The following POU2AF2 variants were observed in gnomAD, a reference collection of about 807,000 sequenced individuals.
POU2AF2 encodes the protein POU class 2 homeobox associating factor 2.
the POU2AF2 span, among the ~76,000 whole-genome samples, chr11:111,276,453 A>AAAAAAAAAAATAAATATATATAT: frequency 2.7e-5 from 1 of 37,692 alleles, no homozygotes; most frequent in African/African-American, 9.6e-5. Flanking sequence ...AAAAAAAAAA[A>AAAAAAAAAAATAAATATATATAT]ATATATATAT....
the POU2AF2 span, among the ~76,000 whole-genome samples, chr11:111,262,260 G>C: frequency 6.6e-6 from 1 of 152,206 alleles, no homozygotes; most frequent in Non-Finnish European, 1.5e-5. Context: ...TGGGGGAACA[G>C]AAGGTGAATA....
the POU2AF2 span, chr11:111,285,768 G>A: frequency 1.2e-6 from 2 of 1,612,892 alleles, no homozygotes; most frequent in Non-Finnish European, 1.7e-6. Context: ...CTTGAGTCCG[G>A]GAGCATCGCC....
the POU2AF2 span, among the ~76,000 whole-genome samples, chr11:111,280,901 C>A: frequency 6.6e-6 from 1 of 152,148 alleles, no homozygotes; most frequent in Non-Finnish European, 1.5e-5. Context: ...GCACCTCGAA[C>A]TGCAAAACTG....
the POU2AF2 span, among the ~76,000 whole-genome samples, chr11:111,268,483 TTTTA>T: frequency 0.01 from 382 of 37,970 alleles, 19 homozygotes; most frequent in African/African-American, 0.031. Flanking sequence ...TCTTTTTTTA[TTTTA>T]TTTTATTTTA....
At chr11:111,262,051 A>T in the POU2AF2 span, among the ~76,000 whole-genome samples, 1 of 152,128 alleles carries the variant, frequency 6.6e-6, no homozygotes, top group African/African-American at 2.4e-5. Flanking sequence ...ACTTACAGTT[A>T]TTTTCTTTCT....
At chr11:111,258,488 T>G in the POU2AF2 span, among the ~76,000 whole-genome samples, 1 of 152,166 alleles carries the variant, frequency 6.6e-6, no homozygotes, top group Non-Finnish European at 1.5e-5. Context: ...AAAAGTTACA[T>G]TAAAGGGCAT....
the POU2AF2 span, among the ~76,000 whole-genome samples, chr11:111,247,008 T>C: frequency 2.0e-5 from 3 of 152,228 alleles, no homozygotes; most frequent in African/African-American, 4.8e-5. Flanking sequence ...TTTTATTCTT[T>C]ATATACTTGA....
chr11:111,284,062 T>A, the POU2AF2 span: 15 of 1,605,216 alleles, frequency 9.3e-6, no homozygotes, highest in Non-Finnish European at 1.3e-5. Flanking sequence ...CATGTGTTTT[T>A]CATTTGGCAA....
the POU2AF2 span, among the ~76,000 whole-genome samples, chr11:111,274,567 T>C: frequency 6.6e-6 from 1 of 151,364 alleles, no homozygotes; most frequent in East Asian, 1.9e-4. Flanking sequence ...TGTGTGTGTG[T>C]AAGAAAGAAA....
the POU2AF2 span, among the ~76,000 whole-genome samples, chr11:111,283,200 T>C: frequency 3.0e-4 from 46 of 151,810 alleles, no homozygotes; most frequent in African/African-American, 1.1e-3. Flanking sequence ...ATTACAGGCA[T>C]GGTGGCCCAG....
chr11:111,268,479 T>C, the POU2AF2 span, among the ~76,000 whole-genome samples: 4 of 25,382 alleles, frequency 1.6e-4, no homozygotes, highest in South Asian at 7.1e-3. Flanking sequence ...TTTTTCTTTT[T>C]TTATTTTATT....
the POU2AF2 span, among the ~76,000 whole-genome samples, chr11:111,255,489 TAACA>T: frequency 9.5e-4 from 144 of 152,310 alleles, 1 homozygote; most frequent in African/African-American, 3.2e-3. Context: ...AGTAAACCAA[TAACA>T]AACAACTTTC....
At chr11:111,275,765 G>T in the POU2AF2 span, among the ~76,000 whole-genome samples, 1 of 152,004 alleles carries the variant, frequency 6.6e-6, no homozygotes, top group Non-Finnish European at 1.5e-5. Context: ...TACATAATGA[G>T]CACTCAACAA....
the POU2AF2 span, among the ~76,000 whole-genome samples, chr11:111,254,362 G>A: frequency 6.6e-6 from 1 of 152,196 alleles, no homozygotes; most frequent in Non-Finnish European, 1.5e-5. Flanking sequence ...AAGGCTGCAT[G>A]TGGCTTTACT....
chr11:111,257,939 G>A, the POU2AF2 span, among the ~76,000 whole-genome samples: 17 of 152,066 alleles, frequency 1.1e-4, no homozygotes, highest in East Asian at 3.9e-4. Context: ...CCAACATGGT[G>A]AAACCACATC....
At chr11:111,280,061 T>A in the POU2AF2 span, among the ~76,000 whole-genome samples, 223 of 66,282 alleles carry the variant, frequency 3.4e-3, no homozygotes, top group African/African-American at 8.1e-3. Context: ...AAAAAAAATA[T>A]ATATATATAT....
At chr11:111,265,809 T>C in the POU2AF2 span, among the ~76,000 whole-genome samples, 1 of 151,630 alleles carries the variant, frequency 6.6e-6, no homozygotes, top group South Asian at 2.1e-4. Context: ...TATACATAAG[T>C]GAAACCATTA....
At chr11:111,270,338 T>C in the POU2AF2 span, among the ~76,000 whole-genome samples, 2 of 152,202 alleles carry the variant, frequency 1.3e-5, no homozygotes, top group Non-Finnish European at 2.9e-5. Flanking sequence ...AACATGGCTT[T>C]TAGTTTTCAT....
the POU2AF2 span, among the ~76,000 whole-genome samples, chr11:111,260,271 A>G: frequency 3.3e-5 from 5 of 152,230 alleles, no homozygotes; most frequent in African/African-American, 1.2e-4. Context: ...TGCAGCTGAC[A>G]GCATGAGTAA....
Sources: gnomAD v4.1 joint callset for allele counts (sites outside exome capture counted in the v4.1 genomes callset) on GRCh38, gnomAD v4.1.1 for gene constraint, MANE v1.5 for transcripts, NCBI Gene and HGNC (gene_info 2026-07-23, HGNC 2026-07-21) for gene names.